The following TENT4A variants were observed in gnomAD, a reference collection of about 807,000 sequenced individuals.
TENT4A encodes the protein terminal nucleotidyltransferase 4A.
Under a neutral mutation model 72.8 loss-of-function variants are expected in TENT4A, and 7 were observed. The observed-to-expected ratio is 0.10, with a 90% CI of 0.05 to 0.18. The LOEUF is 0.18. Among genes scored for constraint, TENT4A ranks in the 10% least tolerant of loss-of-function variants. The pLI is 1.00. For synonymous variants in TENT4A, 456 were observed against 434.3 expected (o/e 1.05, Z -0.62); for missense variants, 831 against 1,017.7 (o/e 0.82, Z 2.50).
In TENT4A at chr5:6,738,669, A is replaced by C. The variant is rs751977228; in HGVS notation, c.841-14A>C. 5 of 1,607,894 alleles carry C rather than the reference A, an allele frequency of 3.1e-6. No homozygotes were observed. Among genetic ancestry groups the C allele is most frequent in the Admixed American group, 1.7e-5 (1 of 59,986 alleles). The stretch of plus-strand genomic sequence containing the variant: ...TTGTGGTATACATTTTAAGGCAACC[A>C]CTCTTTCTTTCAGGTACAGATATTT... On this transcript the variant is annotated splice_polypyrimidine_tract_variant and intron_variant, in intron 2 of 12. Coordinates refer to ENST00000230859, the MANE Select transcript of TENT4A (RefSeq NM_006999.6).
intron 1 of TENT4A, among the ~76,000 whole-genome samples, chr5:6,735,952 G>C (rs753655532): frequency 7.6e-4 from 115 of 152,110 alleles, no homozygotes; most frequent in Non-Finnish European, 1.3e-3. Context: ...TAGCAGAGAT[G>C]GGGTTTCACC....
chr5:6,713,880 C>G lies in TENT4A; in HGVS notation c.-104C>G, dbSNP rs1337360781. The G allele has an allele frequency of 8.0e-6, 2 of 250,514 alleles. No individual in the cohort carries two copies. The highest frequency in any genetic ancestry group is 1.2e-5 in the Non-Finnish European group (2 of 160,894). 15.5% of individuals were successfully genotyped at this position (250,514 alleles called of 1,614,324 possible). A position where few individuals can be genotyped will look rare whatever the true frequency, so the allele number is the denominator to read the frequency against. ...CCGCCGCCGCCGCCACCGGCCCAGG[C>G]CCGTCCGTCCGTCCGTGCGCGCGCG... is the stretch of plus-strand genomic sequence containing the variant. On this transcript the variant is annotated 5_prime_UTR_variant, in exon 1 of 13. Coordinates refer to ENST00000230859, the MANE Select transcript of TENT4A (RefSeq NM_006999.6).
intron 5 of TENT4A, 111 bp from the exon 6 acceptor site, chr5:6,743,600 TG>T: frequency 1.2e-6 from 1 of 826,250 alleles, no homozygotes; most frequent in Non-Finnish European, 1.9e-6. Context: ...AGCCTTCAGA[TG>T]GGCAAGAGGA....
At chr5:6,740,462 G>A (rs1741741571) in intron 4 of TENT4A, among the ~76,000 whole-genome samples, 2 of 152,130 alleles carry the variant, frequency 1.3e-5, no homozygotes, top group South Asian at 2.1e-4. Flanking sequence ...CTGTGCGACC[G>A]GCTAGCATTT....
chr5:6,723,616 C>T (rs1002149290), intron 1 of TENT4A, among the ~76,000 whole-genome samples: 12 of 152,194 alleles, frequency 7.9e-5, no homozygotes, highest in African/African-American at 1.9e-4. Flanking sequence ...GTGAACAAGA[C>T]GTCGCTAACA....
chr5:6,739,589 C>T (rs2126636106), intron 3 of TENT4A, 143 bp from the exon 4 acceptor site: 1 of 899,140 alleles, frequency 1.1e-6, no homozygotes. Flanking sequence ...CACTTCACCT[C>T]CTTAGGGGCC....
intron 6 of TENT4A, 52 bp downstream of exon 6, chr5:6,743,892 C>T (rs1413350763): frequency 1.5e-5 from 24 of 1,559,764 alleles, no homozygotes; most frequent in Non-Finnish European, 2.0e-5. Context: ...TAAGAGTAGA[C>T]TCTTCCAACC....
chr5:6,721,421 G>A (rs554738845), intron 1 of TENT4A, among the ~76,000 whole-genome samples: 1 of 152,322 alleles, frequency 6.6e-6, no homozygotes, highest in South Asian at 2.1e-4. Flanking sequence ...AAACATTCAA[G>A]AAAATTCTAT....
chr5:6,739,679 T>C (rs1473607204), intron 3 of TENT4A, 53 bp from the exon 4 acceptor site: 6 of 1,603,214 alleles, frequency 3.7e-6, no homozygotes, highest in African/African-American at 2.7e-5. Flanking sequence ...CCCACACGAG[T>C]GTGTAGGCTG....
intron 1 of TENT4A, among the ~76,000 whole-genome samples, chr5:6,716,120 T>C (rs532581619): frequency 6.6e-6 from 1 of 152,264 alleles, no homozygotes; most frequent in East Asian, 1.9e-4. Context: ...TAGAAAGTGG[T>C]AGCGCATCAG....
At chr5:6,723,239 C>A (rs563011052) in intron 1 of TENT4A, among the ~76,000 whole-genome samples, 3 of 152,176 alleles carry the variant, frequency 2.0e-5, no homozygotes, top group Non-Finnish European at 4.4e-5. Flanking sequence ...CATAGCAGAG[C>A]GCAGCACAGA....
intron 1 of TENT4A, among the ~76,000 whole-genome samples, chr5:6,720,716 AAAT>A (rs1490263272): frequency 1.4e-5 from 2 of 147,824 alleles, no homozygotes; most frequent in East Asian, 3.9e-4. Context: ...ATAAATAAAT[AAAT>A]AAAAGTTTGC....
rs1741704424 is a variant in TENT4A at position 6,739,794 on chromosome 5, C to T, written c.950C>T (p.Ala317Val). ...CCTCCTTTACAGCTGCTGGAGCAAG[C>T]CCTGCGGAAGCACAACGTGGCTGAG... ...ERPPLQLLEQ[A>V]LRKHNVAEPC... The change falls in exon 4 of 13, where the codon GCC (alanine) becomes GTC (valine). Residue 317 changes from alanine (A) to valine (V), a missense_variant. Ala to Val is a moderately conservative substitution (Grantham distance 64). Coordinates refer to ENST00000230859, the MANE Select transcript of TENT4A (RefSeq NM_006999.6). 1 of 1,613,986 alleles carries T rather than the reference C, an allele frequency of 6.2e-7. No homozygotes were observed. Among genetic ancestry groups the T allele is most frequent in the Non-Finnish European group, 8.5e-7 (1 of 1,179,936 alleles).
chr5:6,748,323 G>A lies in TENT4A; in HGVS notation c.1460-141G>A, dbSNP rs552876530. ...AGTGCCACCCGTGCCCATTGTGTTC[G>A]CCTGTCTGGGCTTTGCTGGTAGGGT... is the stretch of plus-strand genomic sequence containing the variant. On this transcript the variant is annotated intron_variant, in intron 7 of 12. Transcript: ENST00000230859. 1,684 of 1,113,738 alleles carry A rather than the reference G, an allele frequency of 1.5e-3. 5 individuals carry two copies. The highest frequency in any genetic ancestry group is 1.9e-3 in the Non-Finnish European group (1,422 of 754,476). The allele number at this position is 1,113,738 out of a possible 1,614,324, so 69.0% of individuals were successfully genotyped here. A position where few individuals can be genotyped will look rare whatever the true frequency, so the allele number is the denominator to read the frequency against.
intron 6 of TENT4A, among the ~76,000 whole-genome samples, chr5:6,745,216 C>T (rs1049598293): frequency 2.6e-5 from 4 of 152,214 alleles, no homozygotes; most frequent in Admixed American, 6.5e-5. Flanking sequence ...AGGCCAGAAT[C>T]GGAATCCTCC....
At chr5:6,752,821 GT>G in intron 11 of TENT4A, 51 bp from the exon 12 acceptor site, 1 of 1,565,840 alleles carries the variant, frequency 6.4e-7, no homozygotes, top group South Asian at 1.1e-5. Flanking sequence ...AAGCCGGATG[GT>G]TTTCCTCTGA....
At chr5:6,753,898 T>G (rs1483374026) in intron 12 of TENT4A, among the ~76,000 whole-genome samples, 2 of 152,232 alleles carry the variant, frequency 1.3e-5, no homozygotes, top group African/African-American at 4.8e-5. Flanking sequence ...CACACCGGCC[T>G]CTTCTTTGCA....
At position 6,714,679 on chromosome 5, in the gene TENT4A, G is replaced by A; in HGVS notation, c.696G>A (p.Ala232=). Residue 232 remains alanine (A), a synonymous_variant, in exon 1 of 13, where the codon GCG becomes GCA. Coordinates refer to ENST00000230859, the MANE Select transcript of TENT4A (RefSeq NM_006999.6). ...PRPGTPWKSR[A]YSPGIQGLHE... ...CCGGCACCCCGTGGAAGAGCCGCGC[G>A]TACAGCCCGGGCATCCAGGGGTGAG... 1 of 1,195,296 alleles carries A rather than the reference G, an allele frequency of 8.4e-7. No homozygotes were observed. The highest frequency in any genetic ancestry group is 1.0e-6 in the Non-Finnish European group (1 of 964,250). The allele number at this position is 1,195,296 out of a possible 1,614,324, so 74.0% of individuals were successfully genotyped here.
At chr5:6,737,258 G>A (rs1392624396) in intron 1 of TENT4A, among the ~76,000 whole-genome samples, 1 of 152,214 alleles carries the variant, frequency 6.6e-6, no homozygotes, top group Non-Finnish European at 1.5e-5. Context: ...TGATTTTTTT[G>A]GAGAAGTCTT....
Sources: gnomAD v4.1 joint callset for allele counts (sites outside exome capture counted in the v4.1 genomes callset) on GRCh38, gnomAD v4.1.1 for gene constraint, MANE v1.5 for transcripts, NCBI Gene and HGNC (gene_info 2026-07-23, HGNC 2026-07-21) for gene names.